The following TNFRSF21 variants were observed in gnomAD, a reference collection of about 807,000 sequenced individuals.
TNFRSF21 encodes TNF receptor superfamily member 21.
TNFRSF21 carries 19 observed loss-of-function variants against 45.6 expected under a neutral mutation model. The ratio of observed to expected loss-of-function variants is 0.42; its 90% CI spans 0.29 to 0.61. TNFRSF21 has a LOEUF of 0.61. Among genes scored for constraint, TNFRSF21 ranks in the 20% least tolerant of loss-of-function variants. The pLI, the probability that TNFRSF21 is intolerant of heterozygous loss-of-function variation, is 0.23. For missense variants in TNFRSF21, 737 were observed against 851.5 expected, an observed-to-expected ratio of 0.87 and a Z score of 1.67; for synonymous variants, 314 against 335.5, an observed-to-expected ratio of 0.94 and a Z score of 0.70.
At chr6:47,297,783 A>C (rs1247426399) in intron 1 of TNFRSF21, among the ~76,000 whole-genome samples, 1 of 152,182 alleles carries the variant, frequency 6.6e-6, no homozygotes, top group African/African-American at 2.4e-5. Flanking sequence ...TCGGCCTCCC[A>C]AAATGCTGGC....
chr6:47,305,708 C>G lies in TNFRSF21; in HGVS notation c.96+3708G>C, dbSNP rs139666032. ...TGGCACTTTCTAGGCAAACGCACAG[C>G]TGGACAGGCTATAACAGCAAATAGC... is the stretch of plus-strand genomic sequence containing the variant. On this transcript the variant is annotated intron_variant, in intron 1 of 5. Coordinates refer to ENST00000296861, the MANE Select transcript of TNFRSF21 (RefSeq NM_014452.5). 2.6e-3 allele frequency among the ~76,000 whole-genome samples: 401 copies of G among 152,330 alleles called. 1 individual carries two copies. The highest frequency in any genetic ancestry group is 8.9e-3 in the African/African-American group (369 of 41,578).
At chr6:47,287,106 G>A (rs780768481) in intron 1 of TNFRSF21, among the ~76,000 whole-genome samples, 13 of 151,788 alleles carry the variant, frequency 8.6e-5, no homozygotes, top group Admixed American at 3.9e-4. Flanking sequence ...TCAGGTGTTC[G>A]AGACCAGCCT....
intron 1 of TNFRSF21, among the ~76,000 whole-genome samples, chr6:47,306,223 T>C (rs1269349221): frequency 6.6e-6 from 1 of 152,252 alleles, no homozygotes; most frequent in Non-Finnish European, 1.5e-5. Context: ...GAAATAGAAG[T>C]GCAAGCAGCA....
intron 1 of TNFRSF21, among the ~76,000 whole-genome samples, chr6:47,289,612 A>G (rs768237073): frequency 2.0e-5 from 3 of 152,154 alleles, no homozygotes; most frequent in East Asian, 1.9e-4. Flanking sequence ...TGTTCCTTCT[A>G]TTTGAAAATA....
In TNFRSF21 at chr6:47,309,693, C is replaced by A. The variant is rs1276155764; in HGVS notation, c.-182G>T. ...GAGGCGGCAAGGGAGGCTCTAGGGG[C>A]GCTCAGCACCTGCCCAGCGGCGCGG... On this transcript the variant is annotated 5_prime_UTR_variant, in exon 1 of 6. Transcript: ENST00000296861. The A allele has an allele frequency of 7.0e-6, 6 of 854,744 alleles. No individual in the cohort carries two copies. The highest frequency in any genetic ancestry group is 4.8e-6 in the Non-Finnish European group (3 of 629,060). The allele number at this position is 854,744 out of a possible 1,614,324, so 52.9% of individuals were successfully genotyped here.
chr6:47,251,798 CT>C (rs1764904999), intron 4 of TNFRSF21, among the ~76,000 whole-genome samples: 1 of 152,200 alleles, frequency 6.6e-6, no homozygotes, highest in South Asian at 2.1e-4. Flanking sequence ...ATCTCCCTCA[CT>C]TTCCCCCAAA....
At chr6:47,307,335 A>G (rs1441091259) in intron 1 of TNFRSF21, among the ~76,000 whole-genome samples, 1 of 152,152 alleles carries the variant, frequency 6.6e-6, no homozygotes, top group Non-Finnish European at 1.5e-5. Flanking sequence ...TTTAGTTGCA[A>G]ATCCAGTGCA....
intron 3 of TNFRSF21, among the ~76,000 whole-genome samples, chr6:47,254,040 G>A (rs1433030672): frequency 3.3e-5 from 5 of 152,264 alleles, no homozygotes; most frequent in Admixed American, 1.3e-4. Context: ...TATTAAGTGG[G>A]GAACTTTCAT....
At chr6:47,301,803 C>T (rs1270751609) in intron 1 of TNFRSF21, among the ~76,000 whole-genome samples, 1 of 152,236 alleles carries the variant, frequency 6.6e-6, no homozygotes, top group South Asian at 2.1e-4. Flanking sequence ...GTACAGCCTG[C>T]AGAACCATGA....
chr6:47,286,959 T>A (rs1426392206), intron 1 of TNFRSF21, among the ~76,000 whole-genome samples: 1 of 152,196 alleles, frequency 6.6e-6, no homozygotes, highest in East Asian at 1.9e-4. Flanking sequence ...AAATGTTATA[T>A]ATGGCTGGGC....
In TNFRSF21 at chr6:47,246,048, C is replaced by T. The variant is rs1001339450; in HGVS notation, c.1509+7208G>A. ...CCAGTCACCTCCCACCAGGCCCCAC[C>T]TCCAACATTGGGAATTACAATTCAA... is the stretch of plus-strand genomic sequence containing the variant. On this transcript the variant is annotated intron_variant, in intron 4 of 5. Transcript: ENST00000296861. Among the ~76,000 whole-genome samples, 6 of 152,272 alleles carry T rather than the reference C, an allele frequency of 3.9e-5. No individual in the cohort carries two copies. The East Asian group carries it at 1.2e-3, about 29-fold the overall frequency.
intron 1 of TNFRSF21, among the ~76,000 whole-genome samples, chr6:47,307,543 A>C (rs1468980859): frequency 6.6e-6 from 1 of 151,808 alleles, no homozygotes; most frequent in African/African-American, 2.4e-5. Flanking sequence ...CGCCACACCC[A>C]CCTAATTTCT....
chr6:47,247,230 G>A (rs1764836360), intron 4 of TNFRSF21, among the ~76,000 whole-genome samples: 1 of 152,172 alleles, frequency 6.6e-6, no homozygotes. Flanking sequence ...TTCTATGTGT[G>A]TCAGCAATCC....
chr6:47,262,207 C>T (rs1765083656), intron 3 of TNFRSF21, among the ~76,000 whole-genome samples: 1 of 152,050 alleles, frequency 6.6e-6, no homozygotes, highest in Non-Finnish European at 1.5e-5. Context: ...TGTTTTCCAA[C>T]GATAAACTAT....
chr6:47,288,382 C>T (rs888204192), intron 1 of TNFRSF21, among the ~76,000 whole-genome samples: 19 of 152,062 alleles, frequency 1.2e-4, no homozygotes, highest in African/African-American at 4.3e-4. Flanking sequence ...AGAGAAGGTA[C>T]AGTGATTAGA....
At chr6:47,301,551 G>A (rs1002590359) in intron 1 of TNFRSF21, among the ~76,000 whole-genome samples, 1 of 152,160 alleles carries the variant, frequency 6.6e-6, no homozygotes. Flanking sequence ...GGAGTCTTAC[G>A]GGAGGTGTTT....
chr6:47,298,323 G>A lies in TNFRSF21; in HGVS notation c.96+11093C>T, dbSNP rs569064349. ...AAAAAAAAAGGAATCAGGTATAGTGGTGTTCCAGCTACTCAGGAGGCTGAG... is the reference window on the plus strand; with the variant it reads ...AAAAAAAAAGGAATCAGGTATAGTGATGTTCCAGCTACTCAGGAGGCTGAG... On this transcript the variant is annotated intron_variant, in intron 1 of 5. Coordinates refer to ENST00000296861, the MANE Select transcript of TNFRSF21 (RefSeq NM_014452.5). Among the ~76,000 whole-genome samples, 5 of 150,984 alleles carry A rather than the reference G, an allele frequency of 3.3e-5. No homozygotes were observed. In the East Asian group the frequency reaches 9.7e-4, roughly 29 times the overall value.
Position 47,286,602 on chromosome 6 carries a change from G to T in TNFRSF21, c.97-7C>A. ...TGGTGCTAAGGAATCCAAGCTGAAA[G>T]AAACAGAAGGGGAGGGAAAGGAACA... On this transcript the variant is annotated splice_polypyrimidine_tract_variant and splice_region_variant and intron_variant, in intron 1 of 5. Transcript: ENST00000296861. 1.3e-6 allele frequency: 2 copies of T among 1,590,346 alleles called. No homozygotes were observed. Among genetic ancestry groups the T allele is most frequent in the Non-Finnish European group, 1.7e-6 (2 of 1,164,036 alleles).
intron 4 of TNFRSF21, among the ~76,000 whole-genome samples, chr6:47,242,339 G>A (rs1312811274): frequency 2.0e-5 from 3 of 152,172 alleles, no homozygotes; most frequent in African/African-American, 7.2e-5. Flanking sequence ...AGCTGGTCAC[G>A]GTGGGTTTCT....
Sources: gnomAD v4.1 joint callset for allele counts (sites outside exome capture counted in the v4.1 genomes callset) on GRCh38, gnomAD v4.1.1 for gene constraint, MANE v1.5 for transcripts, NCBI Gene and HGNC (gene_info 2026-07-23, HGNC 2026-07-21) for gene names.